TJP1: variants seen among roughly 807,000 people sequenced by gnomAD.
TJP1 encodes the protein tight junction protein ZO-1.
A neutral mutation model predicts 194.2 loss-of-function variants in TJP1; 43 were observed. The observed-to-expected ratio is 0.22, with a 90% CI of 0.17 to 0.29. The LOEUF (loss-of-function observed/expected upper bound fraction) is 0.29. Among genes scored for constraint, TJP1 ranks in the 10% least tolerant of loss-of-function variants. The pLI is 1.00. For synonymous variants in TJP1, 801 were observed against 779.0 expected, an observed-to-expected ratio of 1.03 and a Z score of -0.47; for missense variants, 1,971 against 2,185.7, an observed-to-expected ratio of 0.90 and a Z score of 1.96.
intron 2 of TJP1, among the ~76,000 whole-genome samples, chr15:29,923,400 T>C (rs948611704): frequency 6.7e-6 from 1 of 150,286 alleles, no homozygotes; most frequent in Non-Finnish European, 1.5e-5. Context: ...TGCTCCCAAA[T>C]GGGTCCTCAA....
At chr15:29,820,378 G>A (rs1312413457) in intron 1 of TJP1, 3 of 613,520 alleles carry the variant, frequency 4.9e-6, no homozygotes, top group Non-Finnish European at 8.7e-6. Context: ...CCATAATACA[G>A]CATCTTAAAA....
chr15:29,808,842 T>C (rs1213461982), intron 1 of TJP1, among the ~76,000 whole-genome samples: 2 of 152,198 alleles, frequency 1.3e-5, no homozygotes, highest in Non-Finnish European at 2.9e-5. Flanking sequence ...TGATCATCAA[T>C]GGCTGCAGAC....
intron 2 of TJP1, among the ~76,000 whole-genome samples, chr15:29,785,222 T>A (rs1298148712): frequency 6.6e-6 from 1 of 152,190 alleles, no homozygotes; most frequent in Non-Finnish European, 1.5e-5. Flanking sequence ...TAAGCAACCA[T>A]GAGCAGCAAT....
upstream of TJP1, among the ~76,000 whole-genome samples, chr15:29,969,024 A>G (rs989727368): frequency 6.9e-6 from 1 of 144,500 alleles, no homozygotes; most frequent in East Asian, 2.0e-4. Flanking sequence ...CGCCCCTTCC[A>G]CCCCTGCAGG....
At chr15:29,776,627 G>A (rs968493024) in intron 2 of TJP1, among the ~76,000 whole-genome samples, 1 of 152,106 alleles carries the variant, frequency 6.6e-6, no homozygotes, top group Non-Finnish European at 1.5e-5. Flanking sequence ...TTTACACTCT[G>A]AATGAGTATT....
intron 10 of TJP1, among the ~76,000 whole-genome samples, chr15:29,738,718 C>T (rs2044195128): frequency 2.6e-5 from 4 of 151,868 alleles, no homozygotes; most frequent in Admixed American, 2.6e-4. Flanking sequence ...TAAATATTTC[C>T]TCAAAGTCCT....
intron 1 of TJP1, among the ~76,000 whole-genome samples, chr15:29,820,314 T>C (rs575323380): frequency 4.1e-4 from 63 of 152,276 alleles, no homozygotes; most frequent in African/African-American, 1.4e-3. Flanking sequence ...TATTATTTCA[T>C]TTCACTTATT....
intron 1 of TJP1, among the ~76,000 whole-genome samples, chr15:29,809,525 GA>G (rs1034332084): frequency 5.3e-5 from 8 of 152,126 alleles, no homozygotes; most frequent in African/African-American, 1.9e-4. Context: ...CCTCATCAAG[GA>G]AAGTTGACAT....
intron 2 of TJP1, among the ~76,000 whole-genome samples, chr15:29,783,302 T>C (rs752504833): frequency 8.6e-5 from 13 of 151,518 alleles, no homozygotes; most frequent in Non-Finnish European, 1.8e-4. Flanking sequence ...CACAAAGATA[T>C]CATCTCACAC....
At chr15:29,882,648 G>A (rs1274411686) in intron 2 of TJP1, among the ~76,000 whole-genome samples, 2 of 152,192 alleles carry the variant, frequency 1.3e-5, no homozygotes, top group Non-Finnish European at 2.9e-5. Context: ...CAAATGAAGA[G>A]CAACTGCATC....
intron 2 of TJP1, among the ~76,000 whole-genome samples, chr15:29,887,483 T>A (rs796921237): frequency 6.6e-6 from 1 of 151,820 alleles, no homozygotes; most frequent in Admixed American, 6.6e-5. Flanking sequence ...GTATTTTAAA[T>A]AGAAATGAGG....
rs1416796958 is a variant in TJP1 at position 29,700,351 on chromosome 15, AG to A, written c.*1243del. On this transcript the variant is annotated 3_prime_UTR_variant, in exon 28 of 28. Transcript: ENST00000614355. ...ACAGCATTGTATCACAAATTACAGT[AG>A]GGATACTTTGCAAGAATTTAATCAA... is the stretch of plus-strand genomic sequence containing the variant. 2.5e-6 allele frequency: 1 copy of A among 398,892 alleles called. No individual in the cohort carries two copies. The highest frequency in any genetic ancestry group is 2.1e-5 in the African/African-American group (1 of 48,654). The allele number at this position is 398,892 out of a possible 1,614,324, so 24.7% of individuals were successfully genotyped here.
chr15:29,841,499 A>G (rs992342123), intron 2 of TJP1, among the ~76,000 whole-genome samples: 2 of 152,204 alleles, frequency 1.3e-5, no homozygotes, highest in Non-Finnish European at 2.9e-5. Flanking sequence ...AAAAATATGA[A>G]AAGGCTGCAT....
At chr15:29,957,031 G>A (rs2055972211) in intron 1 of TJP1, among the ~76,000 whole-genome samples, 1 of 152,126 alleles carries the variant, frequency 6.6e-6, no homozygotes, top group Non-Finnish European at 1.5e-5. Context: ...TCAGTCCGGT[G>A]CCTAGCACAC....
Position 29,874,057 on chromosome 15 carries a change from G to A in TJP1, c.307-73355C>T, listed in dbSNP as rs16954784. ...CTCTCGCCTGAAATGTACCACCCAC[G>A]GGGAGTTGCACAGCTTAGGGCTTAG... On this transcript the variant is annotated intron_variant, in intron 2 of 28. Transcript: ENST00000356107. Among the ~76,000 whole-genome samples the A allele has an allele frequency of 7.8e-3, 1,180 of 152,256 alleles. 12 individuals carry two copies. Among genetic ancestry groups the A allele is most frequent in the African/African-American group, 0.027 (1,128 of 41,536 alleles).
chr15:29,941,057 G>A (rs923033957), intron 2 of TJP1, among the ~76,000 whole-genome samples: 11 of 152,086 alleles, frequency 7.2e-5, no homozygotes, highest in African/African-American at 2.4e-4. Context: ...ATGTCTCTCT[G>A]TTCTGTGAAT....
chr15:29,940,975 G>A (rs571449950), intron 2 of TJP1, among the ~76,000 whole-genome samples: 9 of 152,092 alleles, frequency 5.9e-5, no homozygotes, highest in Admixed American at 2.0e-4. Context: ...GAGGAAGAGA[G>A]CTGTAACTGT....
chr15:29,711,392 G>T (rs771367609), intron 23 of TJP1, among the ~76,000 whole-genome samples: 1 of 152,060 alleles, frequency 6.6e-6, no homozygotes, highest in Admixed American at 6.6e-5. Context: ...TTGAGACAGG[G>T]TCTCATTCTG....
chr15:29,962,051 T>C (rs1187379528), intron 1 of TJP1, among the ~76,000 whole-genome samples: 1 of 152,230 alleles, frequency 6.6e-6, no homozygotes, highest in Non-Finnish European at 1.5e-5. Flanking sequence ...CTCTGCTGGC[T>C]ACAGGCCAAA....
Sources: allele counts gnomAD v4.1 joint callset (sites outside exome capture counted in the v4.1 genomes callset), GRCh38; gene constraint gnomAD v4.1.1; transcripts MANE v1.5; gene names NCBI Gene and HGNC (gene_info 2026-07-23, HGNC 2026-07-21).